Variants in PCDHAC1 observed in about 807,000 individuals in gnomAD.
The protein encoded by PCDHAC1 is protocadherin alpha-C1.
A neutral mutation model predicts 60.0 loss-of-function variants in PCDHAC1; 42 were observed. The ratio of observed to expected loss-of-function variants is 0.70; its 90% confidence interval spans 0.55 to 0.90. The LOEUF is 0.90. Among genes scored for constraint, PCDHAC1 ranks in the 40% least tolerant of loss-of-function variants. The pLI, the probability that PCDHAC1 is intolerant of heterozygous loss-of-function variation, is 0.00. For synonymous variants in PCDHAC1, 468 were observed against 499.3 expected (o/e 0.94, Z 0.84); for missense variants, 1,160 against 1,222.3 (o/e 0.95, Z 0.76).
At chr5:141,002,503 A>G (rs924059580) in intron 3 of PCDHAC1, among the ~76,000 whole-genome samples, 1 of 152,226 alleles carries the variant, frequency 6.6e-6, no homozygotes, top group African/African-American at 2.4e-5. Flanking sequence ...ACAGCTCAGG[A>G]TCTGAGTCTC....
At chr5:140,981,584 A>G (rs556917015) in intron 2 of PCDHAC1, among the ~76,000 whole-genome samples, 1 of 152,258 alleles carries the variant, frequency 6.6e-6, no homozygotes, top group Non-Finnish European at 1.5e-5. Context: ...AAAAATAAAT[A>G]AAATAAAACA....
At chr5:140,985,562 C>G (rs1477250763) in intron 3 of PCDHAC1, among the ~76,000 whole-genome samples, 1 of 152,116 alleles carries the variant, frequency 6.6e-6, no homozygotes, top group Non-Finnish European at 1.5e-5. Flanking sequence ...CAAAAGGCTT[C>G]TTTCTGGTGC....
Position 141,010,486 on chromosome 5 carries a change from A to C in PCDHAC1, c.*549A>C. 1 of 674,072 alleles carries C rather than the reference A, an allele frequency of 1.5e-6. No individual in the cohort carries two copies. Among genetic ancestry groups the C allele is most frequent in the Non-Finnish European group, 2.3e-6 (1 of 434,544 alleles). The allele number at this position is 674,072 out of a possible 1,614,324, so 41.8% of individuals were successfully genotyped here. On this transcript the variant is annotated 3_prime_UTR_variant, in exon 4 of 4. Transcript: ENST00000253807. ...GTATGGAGGGGAAGTGTAAACTTAAAGGGACCAGACTTTCTAAATCTTACA... is the reference window on the plus strand; with the variant it reads ...GTATGGAGGGGAAGTGTAAACTTAACGGGACCAGACTTTCTAAATCTTACA...
chr5:140,940,096 T>C (rs2153644801), intron 1 of PCDHAC1, among the ~76,000 whole-genome samples: 1 of 152,378 alleles, frequency 6.6e-6, no homozygotes, highest in East Asian at 1.9e-4. Context: ...ATTGAAACTT[T>C]TAGCGTTATG....
intron 1 of PCDHAC1, among the ~76,000 whole-genome samples, chr5:140,941,343 G>C (rs2093045496): frequency 8.8e-6 from 1 of 114,104 alleles, no homozygotes. Context: ...TTCAGATGGA[G>C]TCTTGCTCTG....
intron 1 of PCDHAC1, among the ~76,000 whole-genome samples, chr5:140,943,614 A>G (rs1269579212): frequency 6.6e-6 from 1 of 152,220 alleles, no homozygotes; most frequent in Admixed American, 6.5e-5. Context: ...ACTTTGATTC[A>G]TCTGCATAAG....
At chr5:140,949,237 A>G (rs1239213091) in intron 1 of PCDHAC1, among the ~76,000 whole-genome samples, 1 of 151,790 alleles carries the variant, frequency 6.6e-6, no homozygotes, top group South Asian at 2.1e-4. Context: ...GTGGCCCAGC[A>G]ACAGTCTATC....
intron 3 of PCDHAC1, 34 bp from the exon 4 acceptor site, chr5:141,009,593 C>T (rs1219056557): frequency 6.2e-7 from 1 of 1,601,902 alleles, no homozygotes; most frequent in Non-Finnish European, 8.5e-7. Context: ...CATGTGTTGA[C>T]CCTGTTAATG....
chr5:140,997,380 C>T (rs1554255860), intron 3 of PCDHAC1, among the ~76,000 whole-genome samples: 1 of 152,112 alleles, frequency 6.6e-6, no homozygotes. Flanking sequence ...ATATAGCATA[C>T]TACACACTTA....
At chr5:140,940,873 A>G (rs541083185) in intron 1 of PCDHAC1, among the ~76,000 whole-genome samples, 10 of 152,352 alleles carry the variant, frequency 6.6e-5, no homozygotes, top group African/African-American at 2.4e-4. Context: ...CAGTGAGTGA[A>G]TACTACTGCT....
intron 3 of PCDHAC1, among the ~76,000 whole-genome samples, chr5:140,994,216 G>A (rs2097604981): frequency 6.6e-6 from 1 of 152,178 alleles, no homozygotes; most frequent in Non-Finnish European, 1.5e-5. Flanking sequence ...GGGACCCAGG[G>A]TCTGTCTATG....
At chr5:140,979,868 C>T (rs1554241158) in intron 2 of PCDHAC1, among the ~76,000 whole-genome samples, 1 of 152,160 alleles carries the variant, frequency 6.6e-6, no homozygotes. Context: ...AATATCTGGG[C>T]AACTATCAAG....
intron 1 of PCDHAC1, among the ~76,000 whole-genome samples, chr5:140,974,548 G>A (rs2096631054): frequency 6.6e-6 from 1 of 152,068 alleles, no homozygotes; most frequent in South Asian, 2.1e-4. Context: ...TTTTGCTCTT[G>A]TTGCCCAGGC....
At chr5:140,996,389 A>G (rs543903221) in intron 3 of PCDHAC1, among the ~76,000 whole-genome samples, 3 of 152,328 alleles carry the variant, frequency 2.0e-5, no homozygotes, top group Admixed American at 1.3e-4. Context: ...ATAATGCCTC[A>G]TAGAGTTTCA....
Position 141,009,850 on chromosome 5 carries a change from C to CAAGAAAAAG in PCDHAC1, c.2820_2828dup (p.Lys941_Lys943dup). ...TAACCTTCGGCAAAAAGGAGGAGAC[C>CAAGAAAAAG]AAGAAAAAGAAGAAAAAGAAGAAGG... On this transcript the variant is annotated inframe_insertion, in exon 4 of 4. Coordinates refer to ENST00000253807, the MANE Select transcript of PCDHAC1 (RefSeq NM_018898.5). The CAAGAAAAAG allele has an allele frequency of 1.2e-6, 2 of 1,613,572 alleles. No individual in the cohort carries two copies. Among genetic ancestry groups the CAAGAAAAAG allele is most frequent in the Non-Finnish European group, 1.7e-6 (2 of 1,179,906 alleles).
In PCDHAC1 at chr5:140,977,177, T is replaced by G. The variant is rs139020033; in HGVS notation, c.2434-1772T>G. On this transcript the variant is annotated intron_variant, in intron 1 of 3. Coordinates refer to ENST00000253807, the MANE Select transcript of PCDHAC1 (RefSeq NM_018898.5). ...CCTTTCAGCAAAATGAGTTTGATGA[T>G]TTCATTCCAAAGATCAAGTTGCAGC... 6.8e-3 allele frequency among the ~76,000 whole-genome samples: 1,032 copies of G among 152,274 alleles called. 9 individuals are homozygous for G. Among genetic ancestry groups the G allele is most frequent in the African/African-American group, 0.023 (966 of 41,542 alleles).
At chr5:140,970,121 G>C (rs1230320134) in intron 1 of PCDHAC1, among the ~76,000 whole-genome samples, 1 of 152,184 alleles carries the variant, frequency 6.6e-6, no homozygotes, top group Non-Finnish European at 1.5e-5. Flanking sequence ...GCTGGGATTA[G>C]AAGGAAGAGA....
At chr5:140,946,219 G>A (rs2093905754) in intron 1 of PCDHAC1, among the ~76,000 whole-genome samples, 1 of 151,856 alleles carries the variant, frequency 6.6e-6, no homozygotes, top group Non-Finnish European at 1.5e-5. Context: ...TGACCAACAG[G>A]TATACTAAAA....
chr5:141,001,478 A>G, intron 3 of PCDHAC1, among the ~76,000 whole-genome samples: 1 of 152,236 alleles, frequency 6.6e-6, no homozygotes, highest in Non-Finnish European at 1.5e-5. Context: ...GCAGCGGGGA[A>G]GTGCTGGAAA....
Sources: allele counts gnomAD v4.1 joint callset (sites outside exome capture counted in the v4.1 genomes callset), GRCh38; gene constraint gnomAD v4.1.1; transcripts MANE v1.5; gene names NCBI Gene and HGNC (gene_info 2026-07-23, HGNC 2026-07-21).